Variants in IL18BP observed in about 807,000 individuals in gnomAD.
IL18BP encodes the protein interleukin 18 binding protein.
In IL18BP, 23 loss-of-function variants were observed where a neutral mutation model predicts 19.9. That is an observed-to-expected ratio of 1.15 (90% CI 0.83 to 1.64). The LOEUF (loss-of-function observed/expected upper bound fraction) is 1.64. IL18BP is among the 40% of genes most tolerant of loss of function. The probability of loss-of-function intolerance (pLI) is 0.00; values close to 1 mark genes in which losing one functional copy is unlikely to be tolerated. For synonymous variants in IL18BP, 107 were observed against 101.0 expected (o/e 1.06, Z -0.35); for missense variants, 239 against 240.7 (o/e 0.99, Z 0.05).
intron 3 of IL18BP, 105 bp downstream of exon 3, chr11:72,000,662 C>T: frequency 1.1e-6 from 1 of 939,836 alleles, no homozygotes; most frequent in South Asian, 1.5e-5. Context: ...ACCAGCTGAG[C>T]CAGCTGGGCT....
At chr11:72,004,553 G>A (rs1955543341), downstream of IL18BP, 1 of 1,393,130 alleles carries the variant, frequency 7.2e-7, no homozygotes, top group Non-Finnish European at 9.9e-7. Context: ...GTGAGGGAAG[G>A]AGAGAGAAGG....
At chr11:72,003,135 A>AC (rs1298287448), downstream of IL18BP, 2 of 279,958 alleles carry the variant, frequency 7.1e-6, no homozygotes, top group African/African-American at 4.3e-5. Flanking sequence ...GGGCCCAGCC[A>AC]CCAGGACAGC....
rs752611419 is a variant in IL18BP, at chr11:72,001,928, G to A, written c.*67G>A. The stretch of plus-strand genomic sequence containing the variant: ...CTTGGGTCCTACCTGTCTACCTGGA[G>A]TGAACAGTCCCTGACTGCCTGTAGG... On this transcript the variant is annotated 3_prime_UTR_variant, in exon 6 of 6. Transcript: ENST00000393703. The A allele has an allele frequency of 1.2e-6, 2 of 1,606,100 alleles. No individual in the cohort carries two copies. Among genetic ancestry groups the A allele is most frequent in the Admixed American group, 3.4e-5 (2 of 58,530 alleles).
chr11:72,000,481 C>T lies in IL18BP; in HGVS notation c.159C>T (p.Ser53=), dbSNP rs1955153326. The change falls in exon 3 of 6, where the codon TCC becomes TCT. Residue 53 remains serine (S), a synonymous_variant. Transcript: ENST00000393703. Reference sequence around the variant, plus strand: ...GAAGCACAAAGGACCCCTGCCCCTCCCAGCCCCCAGTGTTCCCAGCAGCTA... The same window carrying T: ...GAAGCACAAAGGACCCCTGCCCCTCTCAGCCCCCAGTGTTCCCAGCAGCTA... ...SVRSTKDPCP[S]QPPVFPAAKQ... 1 of 1,614,038 alleles carries T rather than the reference C, an allele frequency of 6.2e-7. No homozygotes were observed. The highest frequency in any genetic ancestry group is 1.7e-5 in the Admixed American group (1 of 60,020).
Position 72,001,549 on chromosome 11 carries a change from C to G in IL18BP, c.504C>G (p.Leu168=). 6.2e-7 allele frequency: 1 copy of G among 1,611,686 alleles called. No homozygotes were observed. The highest frequency in any genetic ancestry group is 1.1e-5 in the South Asian group (1 of 90,554). The change falls in exon 5 of 6, where the codon CTC becomes CTG. Residue 168 remains leucine, a synonymous_variant. Transcript: ENST00000393703. ...VVQRHVVLAQ[L]WAGLRATLPP... ...AGCGTCACGTCGTCCTGGCCCAGCT[C>G]TGGGTGAGGAGCCCAAGGAGAGGCC...
chr11:72,005,733 C>G, downstream of IL18BP: 1 of 499,462 alleles, frequency 2.0e-6, no homozygotes, highest in Non-Finnish European at 3.5e-6. Context: ...TCTGGCCAGC[C>G]TGGCCTTTCC....
In IL18BP at chr11:72,002,764, TGA is replaced by T. The variant is rs1955343254; in HGVS notation, c.*908_*909del. The T allele has an allele frequency of 5.5e-6, 1 of 182,454 alleles. No homozygotes were observed. The highest frequency in any genetic ancestry group is 1.2e-5 in the Non-Finnish European group (1 of 85,488). The allele number at this position is 182,454 out of a possible 1,614,324, so 11.3% of individuals were successfully genotyped here. On this transcript the variant is annotated 3_prime_UTR_variant, in exon 6 of 6. Coordinates refer to ENST00000393703, the MANE Select transcript of IL18BP (RefSeq NM_001039660.2). ...AAAGATGTGGCCTCAGGAAAAGGGA[TGA>T]GAGAAAGGAGGTGGTATGGAAGACT...
rs749581926 is a variant in IL18BP at position 72,000,428 on chromosome 11, A to G, written c.106A>G (p.Thr36Ala). The G allele has an allele frequency of 2.3e-5, 37 of 1,613,904 alleles. No individual in the cohort carries two copies. The Admixed American group carries it at 6.0e-4, about 26-fold the overall frequency. The change falls in exon 3 of 6, where the codon ACC becomes GCC. Residue 36 changes from threonine to alanine, a missense_variant. Physicochemically the swap from Thr to Ala is moderately conservative, Grantham distance 58. Transcript: ENST00000393703. ...LLVRATPVSQ[T>A]TTAATASVRS... ...GGTCAGAGCCACACCTGTCTCGCAG[A>G]CCACCACAGCTGCCACTGCCTCAGT...
downstream of IL18BP, chr11:72,007,381 T>C (rs1389013301): frequency 1.9e-6 from 3 of 1,613,622 alleles, no homozygotes; most frequent in East Asian, 4.5e-5. Flanking sequence ...GGGAGATAGG[T>C]GAGGCTGGTT....
Position 72,000,425 on chromosome 11 carries a change from C to T in IL18BP, c.103C>T (p.Gln35Ter), listed in dbSNP as rs770886398. Residue 35 changes from glutamine to a stop codon, truncating the protein, a stop_gained, in exon 3 of 6, where the codon CAG becomes TAG. Transcript: ENST00000393703. LOFTEE classifies it high-confidence loss of function. ...TLLVRATPVS[Q>*]TTTAATASVR... is the part of the protein sequence containing the mutation. Reference sequence around the variant, plus strand: ...CCTGGTCAGAGCCACACCTGTCTCGCAGACCACCACAGCTGCCACTGCCTC... The same window carrying T: ...CCTGGTCAGAGCCACACCTGTCTCGTAGACCACCACAGCTGCCACTGCCTC... 3 of 1,613,988 alleles carry T rather than the reference C, an allele frequency of 1.9e-6. No individual in the cohort carries two copies. The highest frequency in any genetic ancestry group is 2.2e-5 in the East Asian group (1 of 44,890).
At chr11:72,004,028 C>T (rs138403313), downstream of IL18BP, 44 of 1,613,508 alleles carry the variant, frequency 2.7e-5, no homozygotes, top group African/African-American at 5.1e-4. Flanking sequence ...AGGCTCCCCG[C>T]CGCAGAAGGC....
chr11:72,004,427 A>G, downstream of IL18BP: 2 of 1,325,144 alleles, frequency 1.5e-6, no homozygotes, highest in Non-Finnish European at 2.1e-6. Flanking sequence ...AGCTGAGTGG[A>G]CCTTGTAAGT....
rs953435240 is a variant in IL18BP at position 72,001,904 on chromosome 11, T to C, written c.*43T>C. 6.2e-7 allele frequency: 1 copy of C among 1,612,970 alleles called. No homozygotes were observed. Among genetic ancestry groups the C allele is most frequent in the South Asian group, 1.1e-5 (1 of 90,936 alleles). ...GCAGCAGCACAACCTTGACCAGAGC[T>C]TGGGTCCTACCTGTCTACCTGGAGT... On this transcript the variant is annotated 3_prime_UTR_variant, in exon 6 of 6. Coordinates refer to ENST00000393703, the MANE Select transcript of IL18BP (RefSeq NM_001039660.2).
intron 1 of IL18BP, chr11:71,999,432 A>C (rs2298455): frequency 0.12 from 28,695 of 240,002 alleles, 1,978 homozygotes; most frequent in East Asian, 0.26. Context: ...GGTAGATTAG[A>C]GATCCCAGTC....
In IL18BP at chr11:72,002,186, C is replaced by T; in HGVS notation, c.*325C>T. 1 of 372,418 alleles carries T rather than the reference C, an allele frequency of 2.7e-6. No individual in the cohort carries two copies. Among genetic ancestry groups the T allele is most frequent in the Admixed American group, 4.2e-5 (1 of 23,810 alleles). 23.1% of individuals were successfully genotyped at this position (372,418 alleles called of 1,614,324 possible). On this transcript the variant is annotated 3_prime_UTR_variant, in exon 6 of 6. Coordinates refer to ENST00000393703, the MANE Select transcript of IL18BP (RefSeq NM_001039660.2). ...TGCCTTAGCCTTGCACTCCAGGGCC[C>T]TACCTGCATTTCCCACATGACTTTC...
chr11:72,004,859 G>A (rs774397197), downstream of IL18BP: 1 of 1,509,306 alleles, frequency 6.6e-7, no homozygotes, highest in African/African-American at 1.4e-5. Context: ...TAGCTGTATG[G>A]AGATGGAGGA....
At chr11:71,999,692 A>G (rs1286284684) in intron 1 of IL18BP, 2 of 429,258 alleles carry the variant, frequency 4.7e-6, no homozygotes, top group East Asian at 4.3e-5. Context: ...TTGGGTCTCA[A>G]TTTTGCCTTC....
intron 5 of IL18BP, 49 bp from the exon 6 acceptor site, chr11:72,001,735 A>C (rs1257553469): frequency 3.1e-6 from 5 of 1,613,480 alleles, no homozygotes; most frequent in Non-Finnish European, 4.2e-6. Flanking sequence ...AAGTGATGAG[A>C]TGTCCCTCCT....
At chr11:72,007,078 C>T (rs1262454910), downstream of IL18BP, 2 of 1,327,508 alleles carry the variant, frequency 1.5e-6, no homozygotes, top group Non-Finnish European at 2.1e-6. Flanking sequence ...CCCACTGTAA[C>T]ATGGACTGGC....
Sources: allele counts gnomAD v4.1 joint callset, GRCh38; gene constraint gnomAD v4.1.1; transcripts MANE v1.5; gene names NCBI Gene and HGNC (gene_info 2026-07-23, HGNC 2026-07-21).